Variants in CXCL1 observed in about 807,000 individuals in gnomAD.
CXCL1 encodes growth-regulated alpha protein.
A neutral mutation model predicts 11.7 loss-of-function variants in CXCL1; 9 were observed. That is an observed-to-expected ratio of 0.77 (90% CI 0.46 to 1.34). The LOEUF (loss-of-function observed/expected upper bound fraction) is 1.34. Among genes scored for constraint, CXCL1 ranks in the 40% most tolerant of loss-of-function variants. The pLI is 0.00. For missense variants in CXCL1, 146 were observed against 138.1 expected (o/e 1.06, Z -0.29); for synonymous variants, 78 against 59.1 (o/e 1.32, Z -1.47).
intron 3 of CXCL1, 111 bp from the exon 4 acceptor site, chr4:73,870,410 G>C (rs2109771000): frequency 7.0e-7 from 1 of 1,420,392 alleles, no homozygotes; most frequent in Non-Finnish European, 9.8e-7. Context: ...TGCCAGGCTG[G>C]GGAAACTGCA....
Position 73,870,598 on chromosome 4 carries a change from A to G in CXCL1, c.*62A>G. On this transcript the variant is annotated 3_prime_UTR_variant, in exon 4 of 4. Coordinates refer to ENST00000395761, the MANE Select transcript of CXCL1 (RefSeq NM_001511.4). ...TGAAGGAGGCCCTGCCCTTATAGGAACAGAAGAGGAAAGAGAGACACAGCT... is the reference window on the plus strand; with the variant it reads ...TGAAGGAGGCCCTGCCCTTATAGGAGCAGAAGAGGAAAGAGAGACACAGCT... The G allele has an allele frequency of 6.2e-7, 1 of 1,605,572 alleles. No individual in the cohort carries two copies. The highest frequency in any genetic ancestry group is 8.5e-7 in the Non-Finnish European group (1 of 1,174,348).
chr4:73,871,054 T>G lies in CXCL1; in HGVS notation c.*518T>G, dbSNP rs1466567591. ...ATTGAAATGATTTCACAGTGTGTGG[T>G]CAACATTTCTCATGTTGAAACTTTA... On this transcript the variant is annotated 3_prime_UTR_variant, in exon 4 of 4. Transcript: ENST00000395761. The G allele has an allele frequency of 6.5e-6, 1 of 153,682 alleles. No individual in the cohort carries two copies. Among genetic ancestry groups the G allele is most frequent in the Non-Finnish European group, 1.4e-5 (1 of 68,974 alleles). The allele number at this position is 153,682 out of a possible 1,614,324, so 9.5% of individuals were successfully genotyped here. A position where few individuals can be genotyped will look rare whatever the true frequency, so the allele number is the denominator to read the frequency against.
At chr4:73,870,324 C>T in intron 3 of CXCL1, 197 bp from the exon 4 acceptor site, 1 of 616,660 alleles carries the variant, frequency 1.6e-6, no homozygotes, top group Non-Finnish European at 2.8e-6. Flanking sequence ...CACCCCACCC[C>T]CATTCCTAAA....
Position 73,869,659 on chromosome 4 carries a change from T to C in CXCL1, c.101-10T>C. The C allele has an allele frequency of 6.2e-7, 1 of 1,614,148 alleles. No individual in the cohort carries two copies. The highest frequency in any genetic ancestry group is 8.5e-7 in the Non-Finnish European group (1 of 1,179,994). ...AGCCTCGCTCAGTCAGTGAGTCTCT[T>C]CTTCCCTAGGAGCGTCCGTGGCCAC... On this transcript the variant is annotated splice_polypyrimidine_tract_variant and intron_variant, in intron 1 of 3. Coordinates refer to ENST00000395761, the MANE Select transcript of CXCL1 (RefSeq NM_001511.4).
chr4:73,869,645 G>A (rs745751141), intron 1 of CXCL1, 24 bp from the exon 2 acceptor site: 24 of 1,613,856 alleles, frequency 1.5e-5, no homozygotes, highest in East Asian at 2.2e-5. Context: ...GCCTCGCTCA[G>A]TCAGTGAGTC....
chr4:73,870,752 G>A lies in CXCL1; in HGVS notation c.*216G>A, dbSNP rs1578148406. 4 of 551,556 alleles carry A rather than the reference G, an allele frequency of 7.3e-6. No homozygotes were observed. The East Asian group carries it at 1.2e-4, about 17-fold the overall frequency. 34.2% of individuals were successfully genotyped at this position (551,556 alleles called of 1,614,324 possible). A position where few individuals can be genotyped will look rare whatever the true frequency, so the allele number is the denominator to read the frequency against. On this transcript the variant is annotated 3_prime_UTR_variant, in exon 4 of 4. Coordinates refer to ENST00000395761, the MANE Select transcript of CXCL1 (RefSeq NM_001511.4). ...TTAGGTGTAAAATAATTAAGGGTAT[G>A]ATTAACTCTACCTGCACACTGTCCT...
rs1307116871 is a variant in CXCL1 at position 73,869,475 on chromosome 4, C to A, written c.5C>A (p.Ala2Asp). The change falls in exon 1 of 4, where the codon GCC becomes GAC. Residue 2 changes from alanine to aspartate, a missense_variant. By Grantham distance (126) the Ala-to-Asp change is moderately radical. Transcript: ENST00000395761. ...CAGACCCGCCTGCTGAGCCCCATGG[C>A]CCGCGCTGCTCTCTCCGCCGCCCCC... M[A>D]RAALSAAPSN... The A allele has an allele frequency of 1.9e-6, 3 of 1,561,928 alleles. No individual in the cohort carries two copies. Among genetic ancestry groups the A allele is most frequent in the Non-Finnish European group, 2.6e-6 (3 of 1,154,966 alleles).
chr4:73,869,607 C>T (rs1031816963), intron 1 of CXCL1, 37 bp downstream of exon 1: 7 of 1,613,018 alleles, frequency 4.3e-6, no homozygotes, highest in Admixed American at 1.7e-5. Flanking sequence ...GGGCCGGACG[C>T]GGCTGGGGTA....
At chr4:73,869,856 C>G in intron 2 of CXCL1, 50 bp from the exon 3 acceptor site, 1 of 1,613,956 alleles carries the variant, frequency 6.2e-7, no homozygotes, top group African/African-American at 1.3e-5. Context: ...CTGCCCCAAC[C>G]CTGTCCCCAG....
rs988511051 is a variant in CXCL1 at position 73,870,803 on chromosome 4, C to G, written c.*267C>G. On this transcript the variant is annotated 3_prime_UTR_variant, in exon 4 of 4. Transcript: ENST00000395761. Reference sequence around the variant, plus strand: ...ATTATATTCATTCTTTTTGAAATGTCAACCCCAAGTTAGTTCAATCTGGAT... The same window carrying G: ...ATTATATTCATTCTTTTTGAAATGTGAACCCCAAGTTAGTTCAATCTGGAT... 1 of 345,814 alleles carries G rather than the reference C, an allele frequency of 2.9e-6. No individual in the cohort carries two copies. The highest frequency in any genetic ancestry group is 4.4e-5 in the Admixed American group (1 of 22,642). The allele number at this position is 345,814 out of a possible 1,614,324, so 21.4% of individuals were successfully genotyped here.
chr4:73,869,890 T>G lies in CXCL1; in HGVS notation c.225-16T>G, dbSNP rs1185551960. 1.9e-6 allele frequency: 3 copies of G among 1,613,948 alleles called. No homozygotes were observed. The South Asian group carries it at 3.3e-5, about 18-fold the overall frequency. On this transcript the variant is annotated splice_polypyrimidine_tract_variant and intron_variant, in intron 2 of 3. Transcript: ENST00000395761. Reference sequence around the variant, plus strand: ...AGCCCGACCTCCTGCCTCACGAGATTCCCTTCCCTCTGCAGAGCCACACTC... The same window carrying G: ...AGCCCGACCTCCTGCCTCACGAGATGCCCTTCCCTCTGCAGAGCCACACTC...
Position 73,869,964 on chromosome 4 carries a change from A to G in CXCL1, c.283A>G (p.Lys95Glu). The change falls in exon 3 of 4, where the codon AAA becomes GAA. Residue 95 changes from lysine (K) to glutamate (E), a missense_variant. Lys to Glu is a moderately conservative substitution (Grantham distance 56). Transcript: ENST00000395761. ...CLNPASPIVK[K>E]IIEKMLNSDK... ...CAATCCTGCATCCCCCATAGTTAAG[A>G]AAATCATCGAAAAGATGCTGAACAG... 6.2e-7 allele frequency: 1 copy of G among 1,614,168 alleles called. No homozygotes were observed. Among genetic ancestry groups the G allele is most frequent in the Non-Finnish European group, 8.5e-7 (1 of 1,180,034 alleles).
At position 73,869,750 on chromosome 4, in the gene CXCL1, A is replaced by T; in HGVS notation, c.182A>T (p.Asn61Ile). Residue 61 changes from asparagine (N) to isoleucine (I), a missense_variant, in exon 2 of 4, where the codon AAC becomes ATC. Coordinates refer to ENST00000395761, the MANE Select transcript of CXCL1 (RefSeq NM_001511.4). ...CACCCCAAGAACATCCAAAGTGTGA[A>T]CGTGAAGTCCCCCGGACCCCACTGC... is the stretch of plus-strand genomic sequence containing the variant. ...GIHPKNIQSV[N>I]VKSPGPHCAQ... is the part of the protein sequence containing the mutation. 1.9e-6 allele frequency: 3 copies of T among 1,614,026 alleles called. No individual in the cohort carries two copies. The highest frequency in any genetic ancestry group is 2.5e-6 in the Non-Finnish European group (3 of 1,179,990).
intron 3 of CXCL1, 36 bp from the exon 4 acceptor site, chr4:73,870,485 G>C (rs374792053): frequency 1.7e-5 from 27 of 1,613,494 alleles, no homozygotes; most frequent in African/African-American, 2.7e-5. Context: ...CAGCTTTCCC[G>C]AGCACCTACT....
rs376846072 is a variant in CXCL1 at position 73,870,451 on chromosome 4, G to A, written c.309-70G>A. The A allele has an allele frequency of 2.0e-4, 321 of 1,596,802 alleles. No homozygotes were observed. The African/African-American group carries it at 4.0e-3, about 20-fold the overall frequency. ...AAAACTCTAGAGGCTGGAGGAGCAG[G>A]GCAGGAGAAGAGTGTTGTGCAATCA... On this transcript the variant is annotated intron_variant, in intron 3 of 3. Coordinates refer to ENST00000395761, the MANE Select transcript of CXCL1 (RefSeq NM_001511.4).
intron 3 of CXCL1, 108 bp from the exon 4 acceptor site, chr4:73,870,413 A>G: frequency 5.0e-6 from 7 of 1,400,906 alleles, no homozygotes; most frequent in Middle Eastern, 3.7e-4. Context: ...CAGGCTGGGG[A>G]AACTGCATTC....
rs755248483 is a variant in CXCL1, at chr4:73,870,001, T to C, written c.308+12T>C. ...AAGATGCTGAACAGGTGAGTTATGG[T>C]TTCCATGTACACAGGCGACTGGAGC... On this transcript the variant is annotated intron_variant, in intron 3 of 3. Transcript: ENST00000395761. 6.2e-7 allele frequency: 1 copy of C among 1,613,644 alleles called. No individual in the cohort carries two copies. The highest frequency in any genetic ancestry group is 8.5e-7 in the Non-Finnish European group (1 of 1,179,586).
At position 73,869,800 on chromosome 4, in the gene CXCL1, C is replaced by T. The variant is rs763506829; in HGVS notation, c.224+8C>T. 1.3e-5 allele frequency: 21 copies of T among 1,613,542 alleles called. No homozygotes were observed. In the East Asian group the frequency reaches 3.3e-4, roughly 26 times the overall value. Reference sequence around the variant, plus strand: ...CGCCCAAACCGAAGTCATGTAAGTCCCGCCCCGCGCTGCCTCTGCCACCGC... The same window carrying T: ...CGCCCAAACCGAAGTCATGTAAGTCTCGCCCCGCGCTGCCTCTGCCACCGC... On this transcript the variant is annotated splice_region_variant and intron_variant, in intron 2 of 3. Coordinates refer to ENST00000395761, the MANE Select transcript of CXCL1 (RefSeq NM_001511.4).
rs1194696051 is a variant in CXCL1 at position 73,869,550 on chromosome 4, C to T, written c.80C>T (p.Ala27Val). The T allele has an allele frequency of 1.9e-6, 3 of 1,609,254 alleles. No homozygotes were observed. Among genetic ancestry groups the T allele is most frequent in the African/African-American group, 1.3e-5 (1 of 74,890 alleles). ...RVALLLLLLV[A>V]AGRRAAGASV... ...GCACTGCTGCTCCTGCTCCTGGTAG[C>T]CGCTGGCCGGCGCGCAGCAGGTGGG... Residue 27 changes from alanine to valine, a missense_variant, in exon 1 of 4, where the codon GCC becomes GTC. By Grantham distance (64) the Ala-to-Val change is moderately conservative. Transcript: ENST00000395761.
Sources: allele counts gnomAD v4.1 joint callset, GRCh38; gene constraint gnomAD v4.1.1; transcripts MANE v1.5; gene names NCBI Gene and HGNC (gene_info 2026-07-23, HGNC 2026-07-21).